The following MAGI1 variants were observed in gnomAD, a reference collection of about 807,000 sequenced individuals.
The protein encoded by MAGI1 is membrane-associated guanylate kinase, WW and PDZ domain-containing protein 1.
MAGI1 carries 58 observed loss-of-function variants against 139.9 expected under a neutral mutation model. That is an observed-to-expected ratio of 0.41 (90% confidence interval 0.34 to 0.52). The LOEUF is 0.52. MAGI1 is among the 20% of genes least tolerant of loss of function. The pLI, the probability that MAGI1 is intolerant of heterozygous loss-of-function variation, is 0.12. For synonymous variants in MAGI1, 812 were observed against 737.9 expected (o/e 1.10, Z -1.63); for missense variants, 1,874 against 1,901.6 (o/e 0.99, Z 0.27).
intron 17 of MAGI1, among the ~76,000 whole-genome samples, chr3:65,376,443 A>G (rs1467349371): frequency 6.6e-6 from 1 of 152,192 alleles, no homozygotes; most frequent in East Asian, 1.9e-4. Context: ...GCATCTGGTG[A>G]GGCATAAGAG....
chr3:65,817,320 T>C (rs1266484921), intron 1 of MAGI1, among the ~76,000 whole-genome samples: 3 of 152,256 alleles, frequency 2.0e-5, no homozygotes, highest in African/African-American at 4.8e-5. Flanking sequence ...AGAAATGCTC[T>C]GCAGTAAATT....
chr3:65,462,501 A>G (rs549319674), intron 5 of MAGI1, among the ~76,000 whole-genome samples: 22 of 152,270 alleles, frequency 1.4e-4, no homozygotes, highest in Admixed American at 7.2e-4. Context: ...TACTGATACT[A>G]TGCTGTTTCG....
At chr3:65,427,543 T>A (rs1181968086) in intron 12 of MAGI1, among the ~76,000 whole-genome samples, 1 of 152,178 alleles carries the variant, frequency 6.6e-6, no homozygotes, top group East Asian at 1.9e-4. Flanking sequence ...TTTGTGTCTG[T>A]CAAATGAGCA....
chr3:65,746,818 G>A (rs578061665), intron 1 of MAGI1, among the ~76,000 whole-genome samples: 44 of 152,290 alleles, frequency 2.9e-4, no homozygotes, highest in African/African-American at 9.6e-4. Flanking sequence ...GACTCAGTAA[G>A]TATATTCAGA....
chr3:65,679,737 T>G (rs1377436768), intron 1 of MAGI1, among the ~76,000 whole-genome samples: 1 of 152,192 alleles, frequency 6.6e-6, no homozygotes, highest in Non-Finnish European at 1.5e-5. Flanking sequence ...AAACCCACTG[T>G]TTTCCAACAG....
intron 1 of MAGI1, among the ~76,000 whole-genome samples, chr3:65,930,340 A>AAAAAAAAAAAAT (rs1416987470): frequency 7.0e-6 from 1 of 142,094 alleles, no homozygotes; most frequent in Admixed American, 7.0e-5. Flanking sequence ...AAAAAAAAAA[A>AAAAAAAAAAAAT]ATGTTATTTG....
At chr3:65,703,405 T>C (rs2089753033) in intron 1 of MAGI1, among the ~76,000 whole-genome samples, 1 of 152,110 alleles carries the variant, frequency 6.6e-6, no homozygotes, top group African/African-American at 2.4e-5. Context: ...TAAAAAAAAA[T>C]TGTCTAAGAA....
At chr3:65,763,686 T>C (rs971076491) in intron 1 of MAGI1, among the ~76,000 whole-genome samples, 1 of 151,290 alleles carries the variant, frequency 6.6e-6, no homozygotes, top group South Asian at 2.1e-4. Flanking sequence ...CCTACACTAA[T>C]GGTAACAAAA....
chr3:65,965,981 A>C (rs2064719540), intron 1 of MAGI1, among the ~76,000 whole-genome samples: 1 of 152,132 alleles, frequency 6.6e-6, no homozygotes, highest in Non-Finnish European at 1.5e-5. Context: ...ACTGCTTACT[A>C]TGGGTTACTT....
chr3:65,514,794 C>G (rs2077778227), intron 2 of MAGI1, among the ~76,000 whole-genome samples: 1 of 147,598 alleles, frequency 6.8e-6, no homozygotes, highest in African/African-American at 2.6e-5. Flanking sequence ...TTTGACCCAG[C>G]CATCCCATTA....
chr3:65,578,164 C>T (rs749871303), intron 2 of MAGI1, among the ~76,000 whole-genome samples: 1 of 152,168 alleles, frequency 6.6e-6, no homozygotes, highest in Non-Finnish European at 1.5e-5. Flanking sequence ...GGCAACCAGG[C>T]TATGTATTCC....
chr3:65,970,826 G>A (rs933941911), intron 1 of MAGI1, among the ~76,000 whole-genome samples: 2 of 152,222 alleles, frequency 1.3e-5, no homozygotes, highest in Non-Finnish European at 2.9e-5. Flanking sequence ...GCCACCAAGA[G>A]AACATTGAAA....
Position 65,742,688 on chromosome 3 carries a change from G to A in MAGI1, c.314-120600C>T, listed in dbSNP as rs571608916. On this transcript the variant is annotated intron_variant, in intron 1 of 22. Transcript: ENST00000402939. ...CACCTACAACCACACTACTTCATGC[G>A]CTCTCAACCTTTTACTGAATTCCAT... is the stretch of plus-strand genomic sequence containing the variant. Among the ~76,000 whole-genome samples the A allele has an allele frequency of 7.2e-5, 11 of 152,310 alleles. No individual in the cohort carries two copies. The East Asian group carries it at 9.6e-4, about 13-fold the overall frequency.
At chr3:65,928,703 A>G (rs1364216136) in intron 1 of MAGI1, among the ~76,000 whole-genome samples, 5 of 152,158 alleles carry the variant, frequency 3.3e-5, no homozygotes, top group African/African-American at 1.2e-4. Flanking sequence ...AAATGGGTCA[A>G]TGCCTTCTTT....
chr3:65,456,137 A>G (rs909446681), intron 5 of MAGI1, among the ~76,000 whole-genome samples: 2 of 152,212 alleles, frequency 1.3e-5, no homozygotes, highest in Admixed American at 1.3e-4. Flanking sequence ...TGGATGAGAG[A>G]TCCAGTTTCA....
chr3:65,756,867 T>C (rs1434483637), intron 1 of MAGI1, among the ~76,000 whole-genome samples: 1 of 152,204 alleles, frequency 6.6e-6, no homozygotes, highest in Non-Finnish European at 1.5e-5. Context: ...AGACACTTTA[T>C]TACCTATCCC....
rs868845071 is a variant in MAGI1 at position 65,541,731 on chromosome 3, T to A, written c.431-48100A>T. On this transcript the variant is annotated intron_variant, in intron 2 of 22. Coordinates refer to ENST00000402939, the MANE Select transcript of MAGI1 (RefSeq NM_001033057.2). Reference sequence around the variant, plus strand: ...GATAAAATTCTACACCCCTTCATACTAAAAATTCTCAAAAAACTAGGTACT... The same window carrying A: ...GATAAAATTCTACACCCCTTCATACAAAAAATTCTCAAAAAACTAGGTACT... Among the ~76,000 whole-genome samples, 4 of 152,108 alleles carry A rather than the reference T, an allele frequency of 2.6e-5. No homozygotes were observed. In the East Asian group the frequency reaches 5.8e-4, roughly 22 times the overall value.
At chr3:65,831,341 G>A (rs927253822) in intron 1 of MAGI1, among the ~76,000 whole-genome samples, 29 of 152,344 alleles carry the variant, frequency 1.9e-4, no homozygotes, top group Middle Eastern at 3.4e-3. Flanking sequence ...TACAAGTAGC[G>A]TTACCTGGAT....
chr3:65,417,709 T>C (rs1946331308), intron 12 of MAGI1, among the ~76,000 whole-genome samples: 1 of 152,142 alleles, frequency 6.6e-6, no homozygotes, highest in South Asian at 2.1e-4. Context: ...TCAGGTGATT[T>C]GTGGGCCACA....
Sources: gnomAD v4.1 joint callset for allele counts (sites outside exome capture counted in the v4.1 genomes callset) on GRCh38, gnomAD v4.1.1 for gene constraint, MANE v1.5 for transcripts, NCBI Gene and HGNC (gene_info 2026-07-23, HGNC 2026-07-21) for gene names.